Variants in FRAS1 observed in about 807,000 individuals in gnomAD.
FRAS1 encodes Fraser extracellular matrix complex subunit 1.
In FRAS1, 290 loss-of-function variants were observed where a neutral mutation model predicts 435.2. The observed-to-expected ratio is 0.67, with a 90% CI of 0.61 to 0.73. FRAS1 has a LOEUF of 0.73. Ranked by LOEUF, FRAS1 falls within the 30% of genes least tolerant of loss-of-function variation. FRAS1 has a pLI of 0.00. For missense variants in FRAS1, 4,860 were observed against 5,001.5 expected (o/e 0.97, Z 0.85); for synonymous variants, 1,800 against 1,851.0 (o/e 0.97, Z 0.71).
intron 18 of FRAS1, among the ~76,000 whole-genome samples, chr4:78,332,353 A>G (rs1413990051): frequency 6.6e-6 from 1 of 152,194 alleles, no homozygotes; most frequent in East Asian, 1.9e-4. Flanking sequence ...ATAAAAAGGC[A>G]TGATTAAGAC....
intron 2 of FRAS1, among the ~76,000 whole-genome samples, chr4:78,234,386 CG>C (rs1385828421): frequency 6.6e-6 from 1 of 152,026 alleles, no homozygotes; most frequent in East Asian, 1.9e-4. Flanking sequence ...CCACTGCGCC[CG>C]GCTAATTTTT....
chr4:78,063,426 C>T (rs1055153601), intron 1 of FRAS1, among the ~76,000 whole-genome samples: 2 of 152,182 alleles, frequency 1.3e-5, no homozygotes, highest in African/African-American at 4.8e-5. Flanking sequence ...ATTCATGCAG[C>T]TGCCTTCCAG....
chr4:78,094,763 T>C (rs1004549864), intron 2 of FRAS1, among the ~76,000 whole-genome samples: 19 of 152,158 alleles, frequency 1.2e-4, no homozygotes, highest in Non-Finnish European at 2.4e-4. Flanking sequence ...AAAGTACCAT[T>C]AGTAGTACTT....
intron 2 of FRAS1, among the ~76,000 whole-genome samples, chr4:78,079,265 G>A (rs999184391): frequency 1.3e-5 from 2 of 152,134 alleles, no homozygotes; most frequent in East Asian, 1.9e-4. Context: ...GAGAGAGCTT[G>A]TAAGTAGAGG....
At chr4:78,339,404 G>A (rs1730311564) in intron 20 of FRAS1, among the ~76,000 whole-genome samples, 2 of 152,202 alleles carry the variant, frequency 1.3e-5, no homozygotes, top group Non-Finnish European at 2.9e-5. Flanking sequence ...GTGAACCAAA[G>A]ACACAAGTGT....
chr4:78,129,240 T>C (rs974287710), intron 2 of FRAS1, among the ~76,000 whole-genome samples: 7 of 152,238 alleles, frequency 4.6e-5, no homozygotes, highest in South Asian at 2.1e-4. Flanking sequence ...CGATGTGGGC[T>C]CTTTTTTGGT....
intron 47 of FRAS1, among the ~76,000 whole-genome samples, chr4:78,454,551 C>T (rs1719129498): frequency 6.6e-6 from 1 of 152,212 alleles, no homozygotes; most frequent in Non-Finnish European, 1.5e-5. Flanking sequence ...AAGACCTTGG[C>T]TGCTGAGATA....
At chr4:78,510,655 A>T (rs1389446113) in intron 63 of FRAS1, among the ~76,000 whole-genome samples, 1 of 152,170 alleles carries the variant, frequency 6.6e-6, no homozygotes, top group South Asian at 2.1e-4. Flanking sequence ...GCATAGATTG[A>T]GTTAAGCACT....
intron 47 of FRAS1, among the ~76,000 whole-genome samples, chr4:78,453,144 G>A (rs888636500): frequency 6.6e-6 from 1 of 150,926 alleles, no homozygotes; most frequent in African/African-American, 2.5e-5. Flanking sequence ...GCTGGGATAA[G>A]TAACCTCTAT....
chr4:78,420,393 C>T (rs898345810), intron 33 of FRAS1, among the ~76,000 whole-genome samples: 1 of 134,380 alleles, frequency 7.4e-6, no homozygotes, highest in Non-Finnish European at 1.7e-5. Context: ...TGGTTTTTGC[C>T]CTCTCAGCCC....
Position 78,374,124 on chromosome 4 carries a change from C to G in FRAS1, c.3024C>G (p.Tyr1008Ter). Residue 1008 changes from tyrosine (Y) to a stop codon, truncating the protein, a stop_gained, in exon 25 of 74, where the codon TAC becomes TAG. Transcript: ENST00000512123. LOFTEE classifies it high-confidence loss of function. ...DSGLCKNCDS[Y>*]CLQCQGPHEC... ...TTTGTCTTTCAGACTGTGACAGCTA[C>G]TGTCTCCAGTGCCAAGGTCCCCATG... 7 of 1,585,292 alleles carry G rather than the reference C, an allele frequency of 4.4e-6. No homozygotes were observed. The highest frequency in any genetic ancestry group is 6.0e-6 in the Non-Finnish European group (7 of 1,158,872).
In FRAS1 at chr4:78,317,384, T is replaced by G; in HGVS notation, c.1836T>G (p.Cys612Trp). The part of the protein sequence containing the change: ...TGRCKVCHNS[C>W]ASCSGPTPSH... ...CTTCCTCAGTTTGTCATAACTCATG[T>G]GCCAGCTGCTCTGGGCCCACACCCT... The change falls in exon 17 of 74, where the codon TGT becomes TGG. Residue 612 changes from cysteine (C) to tryptophan (W), a missense_variant. Cys to Trp is a radical substitution (Grantham distance 215, BLOSUM62 -2). Coordinates refer to ENST00000512123, the MANE Select transcript of FRAS1 (RefSeq NM_025074.7). 6.2e-7 allele frequency: 1 copy of G among 1,613,980 alleles called. No individual in the cohort carries two copies. Among genetic ancestry groups the G allele is most frequent in the East Asian group, 2.2e-5 (1 of 44,872 alleles).
intron 2 of FRAS1, among the ~76,000 whole-genome samples, chr4:78,096,718 C>T (rs1741827922): frequency 1.3e-5 from 2 of 152,132 alleles, no homozygotes; most frequent in African/African-American, 4.8e-5. Flanking sequence ...GGCAGGGCAC[C>T]AAATCCCTAC....
chr4:78,518,415 TTG>T (rs1185579446), intron 66 of FRAS1, among the ~76,000 whole-genome samples: 10 of 116,628 alleles, frequency 8.6e-5, no homozygotes, highest in Admixed American at 2.6e-4. Flanking sequence ...CTAAGTTTTT[TTG>T]TTGTGTATAT....
chr4:78,343,845 C>T (rs79785203), intron 20 of FRAS1, among the ~76,000 whole-genome samples: 3,737 of 152,280 alleles, frequency 0.025, 178 homozygotes, highest in African/African-American at 0.085. Flanking sequence ...GACTGGAAGC[C>T]AGAGAAGTGA....
At chr4:78,378,225 A>T (rs1731859798) in intron 26 of FRAS1, among the ~76,000 whole-genome samples, 1 of 152,164 alleles carries the variant, frequency 6.6e-6, no homozygotes, top group Admixed American at 6.5e-5. Context: ...TTCAAGGTTC[A>T]TCCATATGAT....
intron 13 of FRAS1, among the ~76,000 whole-genome samples, chr4:78,285,484 T>C (rs543053086): frequency 1.1e-4 from 16 of 149,934 alleles, no homozygotes; most frequent in African/African-American, 3.4e-4. Context: ...CAGGCTGGAG[T>C]GTGGTGGCAT....
chr4:78,074,404 T>A (rs1047004461), intron 2 of FRAS1, among the ~76,000 whole-genome samples: 7 of 152,126 alleles, frequency 4.6e-5, no homozygotes, highest in African/African-American at 1.7e-4. Context: ...AAAAGAAGCC[T>A]TTCCCTCTTA....
At chr4:78,412,244 C>T (rs1214114369) in intron 31 of FRAS1, among the ~76,000 whole-genome samples, 1 of 150,386 alleles carries the variant, frequency 6.6e-6, no homozygotes, top group African/African-American at 2.5e-5. Flanking sequence ...TAGAACTCAG[C>T]CGCCTGCCAT....
Sources: gnomAD v4.1 joint callset for allele counts (sites outside exome capture counted in the v4.1 genomes callset) on GRCh38, gnomAD v4.1.1 for gene constraint, MANE v1.5 for transcripts, NCBI Gene and HGNC (gene_info 2026-07-23, HGNC 2026-07-21) for gene names.